The following KMT2C variants were observed in gnomAD, a reference collection of about 807,000 sequenced individuals.
KMT2C encodes lysine methyltransferase 2C.
A neutral mutation model predicts 507.9 loss-of-function variants in KMT2C; 88 were observed. The ratio of observed to expected loss-of-function variants is 0.17; its 90% confidence interval spans 0.15 to 0.21. The LOEUF (loss-of-function observed/expected upper bound fraction) is 0.21. Among genes scored for constraint, KMT2C ranks in the 10% least tolerant of loss-of-function variants. The pLI, the probability that KMT2C is intolerant of heterozygous loss-of-function variation, is 1.00. For missense variants in KMT2C, 4,954 were observed against 5,957.8 expected (o/e 0.83, Z 5.55); for synonymous variants, 2,049 against 2,080.8 (o/e 0.98, Z 0.42).
chr7:152,434,638 A>G (rs755042311), intron 1 of KMT2C, among the ~76,000 whole-genome samples: 5 of 152,182 alleles, frequency 3.3e-5, no homozygotes, highest in Non-Finnish European at 7.3e-5. Context: ...TTCGAGAGAC[A>G]TTCACAGTTC....
At chr7:152,153,932 T>C in intron 48 of KMT2C, 78 bp downstream of exon 48, 2 of 1,406,260 alleles carry the variant, frequency 1.4e-6, no homozygotes, top group African/African-American at 2.8e-5. Context: ...TTTGTGTGTG[T>C]TTTATGGTAG....
chr7:152,424,625 T>C (rs115525153), intron 1 of KMT2C, among the ~76,000 whole-genome samples: 1,845 of 152,270 alleles, frequency 0.012, 43 homozygotes, highest in African/African-American at 0.043. Context: ...TGTCTTGCTA[T>C]ATTGCCCGGG....
intron 1 of KMT2C, among the ~76,000 whole-genome samples, chr7:152,378,286 A>G (rs901622867): frequency 2.0e-5 from 3 of 152,224 alleles, no homozygotes; most frequent in Admixed American, 6.5e-5. Flanking sequence ...CAGGCAATCA[A>G]TGTAGCAAAC....
In KMT2C at chr7:152,156,209, A is replaced by C. The variant is rs1303611028; in HGVS notation, c.11808T>G (p.His3936Gln). The C allele has an allele frequency of 6.2e-7, 1 of 1,614,148 alleles. No individual in the cohort carries two copies. Reference protein sequence around the residue: ...LAGKAGVLVSHEVTKTLGPKP... With the variant: ...LAGKAGVLVSQEVTKTLGPKP... ...ATTTGGAGGCTATAATCATACCTTCATGGCTCACTAACACTCCGGCTTTTC... is the reference window on the plus strand; with the variant it reads ...ATTTGGAGGCTATAATCATACCTTCCTGGCTCACTAACACTCCGGCTTTTC... The change falls in exon 45 of 59, where the codon CAT becomes CAG. Residue 3936 changes from histidine to glutamine, a missense_variant. Physicochemically the swap from His to Gln is conservative, Grantham distance 24. Around this residue, in one of 29 missense-constraint regions of KMT2C, gnomAD observed 104 missense variants for 134.3 expected, o/e 0.77. Transcript: ENST00000262189.
chr7:152,154,352 A>G lies in KMT2C; in HGVS notation c.12054T>C (p.Tyr4018=), dbSNP rs763883121. The change falls in exon 47 of 59, where the codon TAT becomes TAC. Residue 4018 remains tyrosine (Y), a synonymous_variant. Coordinates refer to ENST00000262189, the MANE Select transcript of KMT2C (RefSeq NM_170606.3). The stretch of plus-strand genomic sequence containing the variant: ...CCTCCTTGACCAATGACAGATCTGG[A>G]TACCTGCTCACTTCTACCCCAACCA... ...ESVVGVEVSR[Y]PDLSLVKEEP... 30 of 1,614,076 alleles carry G rather than the reference A, an allele frequency of 1.9e-5. 1 individual carries two copies. In the South Asian group the frequency reaches 2.1e-4, roughly 11 times the overall value.
chr7:152,171,795 CTTAG>C (rs1213038699), intron 39 of KMT2C, among the ~76,000 whole-genome samples: 1 of 152,160 alleles, frequency 6.6e-6, no homozygotes, highest in Non-Finnish European at 1.5e-5. Flanking sequence ...TAATTGAGAG[CTTAG>C]TTATTTTATA....
intron 43 of KMT2C, among the ~76,000 whole-genome samples, chr7:152,159,520 G>T (rs2092316428): frequency 6.6e-6 from 1 of 152,160 alleles, no homozygotes; most frequent in South Asian, 2.1e-4. Flanking sequence ...CAATTCACAG[G>T]CTCCAGAAAA....
At position 152,290,220 on chromosome 7, in the gene KMT2C, ATGTG is replaced by A. The variant is rs71198772; in HGVS notation, c.850-16357_850-16354del. ...GTAGTCTAATAAATTTTATATATAT[ATGTG>A]TGTGTGTGTGTGTGTGTGTGTGTGT... On this transcript the variant is annotated intron_variant, in intron 6 of 58. Coordinates refer to ENST00000262189, the MANE Select transcript of KMT2C (RefSeq NM_170606.3). Among the ~76,000 whole-genome samples the A allele has an allele frequency of 4.4e-3, 378 of 86,264 alleles. 2 individuals are homozygous for A. The highest frequency in any genetic ancestry group is 0.012 in the African/African-American group (246 of 21,072). The allele number at this position is 86,264 out of a possible 152,430, so 56.6% of individuals were successfully genotyped here. A position where few individuals can be genotyped will look rare whatever the true frequency, so the allele number is the denominator to read the frequency against.
At chr7:152,261,293 T>C (rs1563632758) in intron 9 of KMT2C, among the ~76,000 whole-genome samples, 14 of 152,066 alleles carry the variant, frequency 9.2e-5, no homozygotes, top group Non-Finnish European at 1.5e-5. Context: ...AAGCACAATA[T>C]ATTAACACTG....
rs137953869 is a variant in KMT2C at position 152,187,108 on chromosome 7, T to C, written c.5008+154A>G. Among the ~76,000 whole-genome samples, 1,295 of 151,990 alleles carry C rather than the reference T, an allele frequency of 8.5e-3. 20 individuals carry two copies. The highest frequency in any genetic ancestry group is 0.03 in the African/African-American group (1,248 of 41,408). On this transcript the variant is annotated intron_variant, in intron 33 of 58. Transcript: ENST00000262189. ...ATGCAGGGTCTAGGACAAAGTAAAA[T>C]GCAAGATGTTTCTAGACATCTAGGG...
At chr7:152,364,930 GACAGACAC>G (rs920468410) in intron 1 of KMT2C, among the ~76,000 whole-genome samples, 55 of 130,312 alleles carry the variant, frequency 4.2e-4, no homozygotes, top group African/African-American at 1.6e-3. Context: ...ATCTGAAACA[GACAGACAC>G]ACACACACAC....
intron 6 of KMT2C, among the ~76,000 whole-genome samples, chr7:152,295,755 A>G (rs542831481): frequency 4.6e-5 from 7 of 152,180 alleles, no homozygotes; most frequent in African/African-American, 1.7e-4. Context: ...CAACTTCTTT[A>G]TCAGTTATTG....
At position 152,159,001 on chromosome 7, in the gene KMT2C, A is replaced by C. The variant is rs886939277; in HGVS notation, c.11532T>G (p.Ser3844Arg). Residue 3844 changes from serine (S) to arginine (R), a missense_variant, in exon 44 of 59, where the codon AGT (serine) becomes AGG (arginine). Physicochemically the swap from Ser to Arg is moderately radical, Grantham distance 110 (BLOSUM62 -1). Around this residue, in one of 29 missense-constraint regions of KMT2C, gnomAD observed 801 missense variants for 751.2 expected, o/e 1.07. Transcript: ENST00000262189. ...GNQLPKTDGG[S>R]ETKKQRSKRT... ...GTTTGCTTCGCTGTTTCTTGGTTTC[A>C]CTTCCTCCATCTGTTTTTGGCAACT... The C allele has an allele frequency of 6.2e-7, 1 of 1,613,982 alleles. No individual in the cohort carries two copies. Among genetic ancestry groups the C allele is most frequent in the Non-Finnish European group, 8.5e-7 (1 of 1,180,000 alleles).
intron 44 of KMT2C, among the ~76,000 whole-genome samples, chr7:152,156,979 T>C (rs1342208893): frequency 6.6e-6 from 1 of 152,208 alleles, no homozygotes; most frequent in Admixed American, 6.5e-5. Flanking sequence ...AATCTACCAA[T>C]AACACCATGC....
intron 23 of KMT2C, among the ~76,000 whole-genome samples, chr7:152,210,445 A>G (rs1200727165): frequency 1.3e-5 from 2 of 152,230 alleles, no homozygotes; most frequent in Non-Finnish European, 2.9e-5. Context: ...ACTATGGTCT[A>G]TAACAAGCTT....
intron 37 of KMT2C, among the ~76,000 whole-genome samples, chr7:152,178,341 C>T (rs1056411480): frequency 6.6e-6 from 1 of 152,042 alleles, no homozygotes; most frequent in African/African-American, 2.4e-5. Flanking sequence ...TGGACTTTTT[C>T]AGGAAGAGTT....
At chr7:152,394,840 G>A (rs1288758750) in intron 1 of KMT2C, among the ~76,000 whole-genome samples, 1 of 152,194 alleles carries the variant, frequency 6.6e-6, no homozygotes, top group Non-Finnish European at 1.5e-5. Context: ...ACAACAAGCT[G>A]AGTATAAAAC....
chr7:152,327,331 G>A (rs1355713854), intron 3 of KMT2C, among the ~76,000 whole-genome samples: 1 of 152,168 alleles, frequency 6.6e-6, no homozygotes, highest in Admixed American at 6.5e-5. Context: ...GTGACAGTGT[G>A]CTACTCACAG....
intron 1 of KMT2C, among the ~76,000 whole-genome samples, 169 bp downstream of exon 1, chr7:152,435,457 C>CCGAGGGG (rs1412364139): frequency 6.9e-6 from 1 of 145,842 alleles, no homozygotes; most frequent in Non-Finnish European, 1.5e-5. Context: ...CGGGCGGCTA[C>CCGAGGGG]CGAGGGGCGC....
Sources: gnomAD v4.1 joint callset for allele counts (sites outside exome capture counted in the v4.1 genomes callset) on GRCh38, gnomAD v4.1.1 for gene constraint, gnomAD v4.1.1 regional missense constraint, MANE v1.5 for transcripts, NCBI Gene and HGNC (gene_info 2026-07-23, HGNC 2026-07-21) for gene names.